The following PCYT1B variants were observed in gnomAD, a reference collection of about 807,000 sequenced individuals.
The protein encoded by PCYT1B is phosphate cytidylyltransferase 1B, choline, also known as choline-phosphate cytidylyltransferase B.
In PCYT1B, 10 loss-of-function variants were observed where a neutral mutation model predicts 26.4. The ratio of observed to expected loss-of-function variants is 0.38; its 90% CI spans 0.23 to 0.64. The LOEUF (loss-of-function observed/expected upper bound fraction) is 0.64, where lower values mean the gene tolerates loss of function less well. Among genes scored for constraint, PCYT1B ranks in the 30% least tolerant of loss-of-function variants. The pLI, the probability that PCYT1B is intolerant of heterozygous loss-of-function variation, is 0.56. For synonymous variants in PCYT1B, 131 were observed against 108.4 expected, an observed-to-expected ratio of 1.21 and a Z score of -1.29; for missense variants, 161 against 292.7, an observed-to-expected ratio of 0.55 and a Z score of 3.28.
intron 3 of PCYT1B, among the ~76,000 whole-genome samples, chrX:24,599,597 T>C: frequency 8.9e-6 from 1 of 111,861 alleles, no homozygotes; most frequent in Non-Finnish European, 1.9e-5. Context: ...AAAGTGTATA[T>C]AATGTGGTGC....
At chrX:24,665,412 C>G (rs1330862953) in intron 1 of PCYT1B, among the ~76,000 whole-genome samples, 2 of 110,092 alleles carry the variant, frequency 1.8e-5, no homozygotes, top group African/African-American at 3.3e-5. Flanking sequence ...TGCCTCAGCC[C>G]CCTGAGTAGC....
intron 1 of PCYT1B, among the ~76,000 whole-genome samples, chrX:24,635,581 CAGAAACCA>C (rs1926245430): frequency 8.9e-6 from 1 of 111,895 alleles, no homozygotes; most frequent in African/African-American, 3.2e-5. Flanking sequence ...ATTTCTTTAA[CAGAAACCA>C]TATTTTACAA....
In PCYT1B at chrX:24,561,848, A is replaced by T; in HGVS notation, c.*445T>A. ...AGAAGCACTTTGCCACCTCTATTGG[A>T]AACAATTTTATTCTGGCAGAGCTGG... On this transcript the variant is annotated 3_prime_UTR_variant, in exon 8 of 8. Coordinates refer to ENST00000379144, the MANE Select transcript of PCYT1B (RefSeq NM_004845.5). The T allele has an allele frequency of 2.5e-6, 1 of 397,890 alleles. No individual in the cohort carries two copies. Among genetic ancestry groups the T allele is most frequent in the Non-Finnish European group, 4.4e-6 (1 of 227,989 alleles). 32.8% of individuals were successfully genotyped at this position (397,890 alleles called of 1,213,427 possible). A position where few individuals can be genotyped will look rare whatever the true frequency, so the allele number is the denominator to read the frequency against.
chrX:24,568,433 G>A (rs964099569), intron 7 of PCYT1B, among the ~76,000 whole-genome samples: 2 of 111,550 alleles, frequency 1.8e-5, no homozygotes, highest in African/African-American at 6.5e-5. Flanking sequence ...CAGGTACTCA[G>A]GTTGAGTGGG....
chrX:24,670,540 A>G (rs985366873), intron 1 of PCYT1B, among the ~76,000 whole-genome samples: 1 of 112,211 alleles, frequency 8.9e-6, no homozygotes, highest in Non-Finnish European at 1.9e-5. Context: ...TGAGAAAAGT[A>G]CACTGAGAAC....
chrX:24,652,298 C>T (rs1402789998), upstream of PCYT1B, among the ~76,000 whole-genome samples: 4 of 112,573 alleles, frequency 3.6e-5, no homozygotes, highest in African/African-American at 1.3e-4. Flanking sequence ...GTGGCTCACG[C>T]CTATAATCCC....
At chrX:24,589,267 A>G (rs1924474481) in intron 4 of PCYT1B, among the ~76,000 whole-genome samples, 1 of 112,144 alleles carries the variant, frequency 8.9e-6, no homozygotes, top group African/African-American at 3.2e-5. Context: ...TCTCTTCTGC[A>G]TCGTGGCTTT....
chrX:24,588,663 G>A (rs1020236171), intron 4 of PCYT1B, among the ~76,000 whole-genome samples: 2 of 111,275 alleles, frequency 1.8e-5, no homozygotes, highest in East Asian at 2.8e-4. Flanking sequence ...AGTGACATTC[G>A]GGACTGGAGA....
chrX:24,662,489 T>C (rs1255695489), intron 1 of PCYT1B, among the ~76,000 whole-genome samples: 1 of 111,609 alleles, frequency 9.0e-6, no homozygotes, highest in East Asian at 2.8e-4. Flanking sequence ...CCTGATGACC[T>C]TGAATGTGTC....
At chrX:24,563,793 G>A (rs1254243386) in intron 7 of PCYT1B, among the ~76,000 whole-genome samples, 1 of 111,703 alleles carries the variant, frequency 9.0e-6, no homozygotes. Context: ...ACAATCTGCT[G>A]CTTGTTTTCA....
intron 2 of PCYT1B, among the ~76,000 whole-genome samples, chrX:24,610,909 A>G (rs763098708): frequency 1.8e-5 from 2 of 112,194 alleles, no homozygotes; most frequent in African/African-American, 6.5e-5. Context: ...TTTTAAAAAC[A>G]TATCAACCTA....
chrX:24,630,190 C>T (rs1489544423), intron 1 of PCYT1B, among the ~76,000 whole-genome samples: 4 of 112,020 alleles, frequency 3.6e-5, no homozygotes, highest in Non-Finnish European at 7.5e-5. Flanking sequence ...CACCTCCTTC[C>T]CCAAAGAACT....
intron 5 of PCYT1B, among the ~76,000 whole-genome samples, chrX:24,581,219 G>T (rs1488775786): frequency 2.7e-5 from 3 of 112,183 alleles, no homozygotes; most frequent in Non-Finnish European, 5.6e-5. Flanking sequence ...TGGATTCAGA[G>T]TCAAATCCTT....
rs373192284 is a variant in PCYT1B at position 24,630,662 on chromosome X, A to G, written c.118-11578T>C. 3.1e-3 allele frequency among the ~76,000 whole-genome samples: 352 copies of G among 112,358 alleles called. 2 individuals are homozygous for G. Among genetic ancestry groups the G allele is most frequent in the African/African-American group, 0.011 (336 of 30,983 alleles). On this transcript the variant is annotated intron_variant, in intron 1 of 7. Coordinates refer to ENST00000379144, the MANE Select transcript of PCYT1B (RefSeq NM_004845.5). ...AAAGAAATGCATATCACAGTCCTCT[A>G]TATTTCAAAAAGGTAAGACTACAAA...
At chrX:24,591,435 T>A (rs969192179) in intron 3 of PCYT1B, among the ~76,000 whole-genome samples, 1 of 110,818 alleles carries the variant, frequency 9.0e-6, no homozygotes, top group Non-Finnish European at 1.9e-5. Flanking sequence ...TTCACTAATT[T>A]TTTTTTGAGA....
intron 4 of PCYT1B, among the ~76,000 whole-genome samples, chrX:24,589,577 TA>T (rs1417967316): frequency 8.9e-6 from 1 of 112,120 alleles, no homozygotes; most frequent in African/African-American, 3.2e-5. Context: ...TAAGCATCAA[TA>T]ATGACGGTGG....
At chrX:24,669,602 A>G (rs1927197418) in intron 1 of PCYT1B, among the ~76,000 whole-genome samples, 1 of 110,152 alleles carries the variant, frequency 9.1e-6, no homozygotes, top group Admixed American at 9.8e-5. Context: ...TCTAATTTAA[A>G]CAGCTGTATG....
At chrX:24,623,637 A>C (rs972849177) in intron 1 of PCYT1B, among the ~76,000 whole-genome samples, 2 of 111,023 alleles carry the variant, frequency 1.8e-5, no homozygotes, top group African/African-American at 3.3e-5. Flanking sequence ...CTGGTTATAT[A>C]AACTATGCCA....
At chrX:24,671,996 T>C (rs1927265179) in intron 1 of PCYT1B, among the ~76,000 whole-genome samples, 1 of 111,991 alleles carries the variant, frequency 8.9e-6, no homozygotes, top group Non-Finnish European at 1.9e-5. Context: ...ACCTTGTCTC[T>C]ATTAAAAGCA....
Sources: gnomAD v4.1 joint callset for allele counts (sites outside exome capture counted in the v4.1 genomes callset) on GRCh38, gnomAD v4.1.1 for gene constraint, MANE v1.5 for transcripts, NCBI Gene and HGNC (gene_info 2026-07-23, HGNC 2026-07-21) for gene names.